Variants in ADGRL2 observed in about 807,000 individuals in gnomAD.
ADGRL2 encodes the protein calcium-independent alpha-latrotoxin receptor 2.
ADGRL2 carries 44 observed loss-of-function variants against 157.4 expected under a neutral mutation model. The observed-to-expected ratio is 0.28, with a 90% CI of 0.22 to 0.36. ADGRL2 has a LOEUF of 0.36. Ranked by LOEUF, ADGRL2 falls within the 10% of genes least tolerant of loss-of-function variation. ADGRL2 has a pLI of 1.00. For missense variants in ADGRL2, 1,510 were observed against 1,768.9 expected, an observed-to-expected ratio of 0.85 and a Z score of 2.63; for synonymous variants, 585 against 624.7, an observed-to-expected ratio of 0.94 and a Z score of 0.95.
intron 2 of ADGRL2, among the ~76,000 whole-genome samples, chr1:81,462,117 C>T (rs1223779805): frequency 6.6e-6 from 1 of 152,080 alleles, no homozygotes; most frequent in East Asian, 1.9e-4. Context: ...CACCAATCAG[C>T]ATTCTGTAAA....
intron 2 of ADGRL2, among the ~76,000 whole-genome samples, chr1:81,898,608 C>T (rs2094435219): frequency 6.6e-6 from 1 of 152,064 alleles, no homozygotes; most frequent in African/African-American, 2.4e-5. Flanking sequence ...AACATTCTGC[C>T]TTGTGGTATA....
intron 2 of ADGRL2, among the ~76,000 whole-genome samples, chr1:81,890,531 C>T (rs955705777): frequency 6.6e-6 from 1 of 151,802 alleles, no homozygotes; most frequent in East Asian, 1.9e-4. Context: ...AGTTGGGGGT[C>T]GGGGAGAATT....
chr1:81,615,662 G>C (rs1201494368), intron 3 of ADGRL2, among the ~76,000 whole-genome samples: 1 of 152,114 alleles, frequency 6.6e-6, no homozygotes, highest in Non-Finnish European at 1.5e-5. Flanking sequence ...CACTATCTTG[G>C]TTTCTAGATT....
At chr1:81,780,895 C>G (rs2086785602) in intron 2 of ADGRL2, among the ~76,000 whole-genome samples, 2 of 152,082 alleles carry the variant, frequency 1.3e-5, no homozygotes, top group Admixed American at 6.6e-5. Flanking sequence ...ATCCCTAAGA[C>G]CAGGGTGGTA....
At chr1:81,394,433 G>A (rs2076617693) in intron 1 of ADGRL2, among the ~76,000 whole-genome samples, 1 of 151,860 alleles carries the variant, frequency 6.6e-6, no homozygotes, top group Non-Finnish European at 1.5e-5. Context: ...AACTCTTTTG[G>A]CTTCTTCATC....
At chr1:81,846,600 C>T (rs558326408) in intron 2 of ADGRL2, among the ~76,000 whole-genome samples, 6 of 151,820 alleles carry the variant, frequency 4.0e-5, no homozygotes, top group African/African-American at 1.2e-4. Flanking sequence ...TTACAGGGTG[C>T]GTCTTACTAT....
At position 81,453,941 on chromosome 1, in the gene ADGRL2, G is replaced by A. The variant is rs947169059; in HGVS notation, c.-248+8852G>A. ...AAAAAAATCTTCCTTTGAAGGAAAC[G>A]AAATCAATCCTCAGTTCAAATTAAA... On this transcript the variant is annotated intron_variant, in intron 2 of 24. Transcript: ENST00000370721. Among the ~76,000 whole-genome samples, 6 of 152,184 alleles carry A rather than the reference G, an allele frequency of 3.9e-5. No individual in the cohort carries two copies. In the East Asian group the frequency reaches 5.8e-4, roughly 15 times the overall value.
intron 1 of ADGRL2, among the ~76,000 whole-genome samples, chr1:81,369,766 G>C (rs966986711): frequency 3.3e-5 from 5 of 152,068 alleles, no homozygotes; most frequent in African/African-American, 1.2e-4. Context: ...ATAAAACAAG[G>C]CATCATTGAA....
chr1:81,976,555 A>T (rs1471187587), intron 17 of ADGRL2, among the ~76,000 whole-genome samples: 3 of 152,044 alleles, frequency 2.0e-5, no homozygotes, highest in Non-Finnish European at 4.4e-5. Context: ...AAAGGAACTC[A>T]CTTTCAAATC....
At chr1:81,904,668 G>T (rs1279758798) in intron 2 of ADGRL2, among the ~76,000 whole-genome samples, 1 of 152,194 alleles carries the variant, frequency 6.6e-6, no homozygotes, top group African/African-American at 2.4e-5. Context: ...ACAGCACTTT[G>T]GGAAGCGGAG....
intron 3 of ADGRL2, among the ~76,000 whole-genome samples, chr1:81,667,447 A>T (rs978866393): frequency 4.6e-5 from 7 of 152,338 alleles, no homozygotes; most frequent in Admixed American, 3.3e-4. Flanking sequence ...AGGAGGCATA[A>T]AATGAACATT....
intron 1 of ADGRL2, among the ~76,000 whole-genome samples, chr1:81,413,549 C>T (rs1481246314): frequency 3.9e-5 from 6 of 152,138 alleles, no homozygotes; most frequent in African/African-American, 1.4e-4. Flanking sequence ...TTGCTAGAGA[C>T]ATTGCTCCAT....
chr1:81,536,064 G>A (rs2079730258), intron 2 of ADGRL2, among the ~76,000 whole-genome samples: 1 of 152,144 alleles, frequency 6.6e-6, no homozygotes, highest in Admixed American at 6.5e-5. Context: ...GATACATTGA[G>A]CTGCAAAATA....
Position 81,968,121 on chromosome 1 carries a change from C to T in ADGRL2, c.2445C>T (p.Asp815=). 6.2e-7 allele frequency: 1 copy of T among 1,613,242 alleles called. No homozygotes were observed. Among genetic ancestry groups the T allele is most frequent in the South Asian group, 1.1e-5 (1 of 90,804 alleles). ...YWSTQGCKLV[D]TNKTRTTCAC... ...CTACCCAGGGCTGCAAGCTGGTTGA[C>T]ACTAATAAAACTCGAACAACGTGTG... The change falls in exon 14 of 24, where the codon GAC becomes GAT. Residue 815 remains aspartate (D), a synonymous_variant. Coordinates refer to ENST00000686636, the MANE Select transcript of ADGRL2 (RefSeq NM_001366006.2).
At chr1:81,623,578 T>G (rs1217043296) in intron 3 of ADGRL2, among the ~76,000 whole-genome samples, 1 of 151,920 alleles carries the variant, frequency 6.6e-6, no homozygotes, top group Non-Finnish European at 1.5e-5. Context: ...TGTAATGAAG[T>G]TAAAAGGAGA....
intron 2 of ADGRL2, among the ~76,000 whole-genome samples, chr1:81,570,268 A>G (rs1265572616): frequency 8.5e-5 from 13 of 152,198 alleles, no homozygotes; most frequent in Non-Finnish European, 1.9e-4. Context: ...AAAGTTAGAC[A>G]GTCTTGGTTT....
At chr1:81,447,969 CT>C in intron 2 of ADGRL2, among the ~76,000 whole-genome samples, 1 of 151,988 alleles carries the variant, frequency 6.6e-6, no homozygotes, top group Middle Eastern at 3.4e-3. Context: ...AGCACCTCCC[CT>C]GTCTCTTCCT....
chr1:81,494,058 C>G (rs1172421400), intron 2 of ADGRL2, among the ~76,000 whole-genome samples: 1 of 152,144 alleles, frequency 6.6e-6, no homozygotes. Context: ...TGTCAACAGT[C>G]ACAAACTTAT....
chr1:81,825,366 T>C (rs1189333152), intron 1 of ADGRL2, among the ~76,000 whole-genome samples: 1 of 152,054 alleles, frequency 6.6e-6, no homozygotes, highest in African/African-American at 2.4e-5. Context: ...TCTCTTTTTT[T>C]TGAGATGGAG....
Sources: allele counts gnomAD v4.1 joint callset (sites outside exome capture counted in the v4.1 genomes callset), GRCh38; gene constraint gnomAD v4.1.1; transcripts MANE v1.5; gene names NCBI Gene and HGNC (gene_info 2026-07-23, HGNC 2026-07-21).